The following EPHA6 variants were observed in gnomAD, a reference collection of about 807,000 sequenced individuals.
EPHA6 encodes ephrin type-A receptor 6.
Under a neutral mutation model 112.0 loss-of-function variants are expected in EPHA6, and 50 were observed. The observed-to-expected ratio is 0.45, with a 90% confidence interval of 0.36 to 0.56. The LOEUF is 0.56. Ranked by LOEUF, EPHA6 falls within the 20% of genes least tolerant of loss-of-function variation. The pLI is 0.00. For missense variants in EPHA6, 1,280 were observed against 1,417.4 expected (o/e 0.90, Z 1.56); for synonymous variants, 529 against 490.7 (o/e 1.08, Z -1.03).
chr3:96,908,276 G>A (rs888790119), intron 2 of EPHA6, among the ~76,000 whole-genome samples: 36 of 151,842 alleles, frequency 2.4e-4, no homozygotes, highest in Admixed American at 1.6e-3. Flanking sequence ...TCGTTCCAAG[G>A]TCCATTTAGA....
intron 6 of EPHA6, among the ~76,000 whole-genome samples, chr3:97,443,829 A>T (rs2107293678): frequency 6.6e-6 from 1 of 152,206 alleles, no homozygotes; most frequent in South Asian, 2.1e-4. Context: ...TGTGTTAGTT[A>T]CTTCTAGTGT....
chr3:96,892,711 A>C (rs1274181667), intron 2 of EPHA6, among the ~76,000 whole-genome samples: 6 of 152,064 alleles, frequency 3.9e-5, no homozygotes, highest in Non-Finnish European at 7.4e-5. Flanking sequence ...TCTTCAAGAA[A>C]ATTCATAAAT....
At chr3:96,983,269 A>T (rs2042883145) in intron 2 of EPHA6, among the ~76,000 whole-genome samples, 1 of 152,096 alleles carries the variant, frequency 6.6e-6, no homozygotes. Context: ...AACTAGCAGC[A>T]TTTGTTTGTC....
chr3:97,289,922 G>T (rs539363442), intron 5 of EPHA6, among the ~76,000 whole-genome samples: 1 of 151,964 alleles, frequency 6.6e-6, no homozygotes, highest in South Asian at 2.1e-4. Flanking sequence ...TATTTTTGTT[G>T]CTTCTTTGTA....
intron 7 of EPHA6, among the ~76,000 whole-genome samples, chr3:97,473,036 C>T (rs992978371): frequency 2.0e-5 from 3 of 151,698 alleles, no homozygotes; most frequent in African/African-American, 7.3e-5. Context: ...AATTGACGCT[C>T]ATAGTTTCCT....
intron 3 of EPHA6, among the ~76,000 whole-genome samples, chr3:97,073,204 T>A (rs901285443): frequency 6.6e-6 from 1 of 152,174 alleles, no homozygotes; most frequent in African/African-American, 2.4e-5. Flanking sequence ...ATGAGATTTT[T>A]AAAAATCTAT....
At chr3:97,414,131 G>T (rs934004661) in intron 6 of EPHA6, among the ~76,000 whole-genome samples, 5 of 152,032 alleles carry the variant, frequency 3.3e-5, no homozygotes, top group African/African-American at 9.6e-5. Context: ...ATCTTAATAA[G>T]AAAATCTATA....
At chr3:97,267,706 C>T (rs1166108880) in intron 5 of EPHA6, among the ~76,000 whole-genome samples, 4 of 152,040 alleles carry the variant, frequency 2.6e-5, no homozygotes, top group Non-Finnish European at 5.9e-5. Context: ...AGTCACCTAC[C>T]GTAAAAGCAC....
At chr3:97,588,364 T>C (rs1446342695) in intron 11 of EPHA6, among the ~76,000 whole-genome samples, 1 of 152,226 alleles carries the variant, frequency 6.6e-6, no homozygotes, top group Non-Finnish European at 1.5e-5. Flanking sequence ...CTAAATTTTC[T>C]GTCTTTTATT....
At chr3:97,586,727 T>TAGACAGACAGAC (rs138628909) in intron 11 of EPHA6, among the ~76,000 whole-genome samples, 20,138 of 151,390 alleles carry the variant, frequency 0.13, 1,573 homozygotes, top group Admixed American at 0.25. Context: ...GATGGATGGA[T>TAGACAGACAGAC]AGACAGACAG....
intron 3 of EPHA6, among the ~76,000 whole-genome samples, chr3:97,054,190 ACACAC>A (rs900197942): frequency 9.2e-5 from 14 of 151,892 alleles, no homozygotes; most frequent in African/African-American, 3.1e-4. Flanking sequence ...ACACACACAC[ACACAC>A]AACAGATTAA....
intron 15 of EPHA6, among the ~76,000 whole-genome samples, chr3:97,726,226 A>G (rs2034759994): frequency 6.6e-6 from 1 of 152,076 alleles, no homozygotes; most frequent in South Asian, 2.1e-4. Flanking sequence ...GATAACACCA[A>G]AGTTCAGGCC....
intron 7 of EPHA6, among the ~76,000 whole-genome samples, chr3:97,460,335 G>A (rs975415470): frequency 1.3e-5 from 2 of 152,180 alleles, no homozygotes; most frequent in African/African-American, 4.8e-5. Context: ...GTTGATTTAT[G>A]TTTTGGTTTC....
intron 5 of EPHA6, among the ~76,000 whole-genome samples, chr3:97,344,574 G>A (rs753686198): frequency 2.6e-5 from 4 of 152,140 alleles, no homozygotes; most frequent in Admixed American, 6.6e-5. Flanking sequence ...ATCTGCCAAT[G>A]CCTTGACCTC....
intron 4 of EPHA6, among the ~76,000 whole-genome samples, chr3:97,228,082 G>T (rs1385821244): frequency 6.6e-6 from 1 of 152,146 alleles, no homozygotes; most frequent in Admixed American, 6.5e-5. Flanking sequence ...TCATAGTCGG[G>T]ATCCCAGTTT....
At chr3:97,251,145 C>G (rs1300564559) in intron 5 of EPHA6, among the ~76,000 whole-genome samples, 2 of 152,036 alleles carry the variant, frequency 1.3e-5, no homozygotes, top group African/African-American at 4.8e-5. Flanking sequence ...GGATTACAGG[C>G]ATGAGCCACG....
chr3:97,339,994 G>C (rs1000416089), intron 5 of EPHA6, among the ~76,000 whole-genome samples: 3 of 152,242 alleles, frequency 2.0e-5, no homozygotes, highest in Admixed American at 2.0e-4. Flanking sequence ...CAGCTGGCTT[G>C]CCAGAGGGCT....
At chr3:97,692,184 T>C (rs2032714862) in intron 14 of EPHA6, among the ~76,000 whole-genome samples, 3 of 152,342 alleles carry the variant, frequency 2.0e-5, no homozygotes, top group Middle Eastern at 6.8e-3. Flanking sequence ...GTTTTTTATT[T>C]AGATTGTGTC....
chr3:97,185,649 G>A (rs2077106606), intron 3 of EPHA6, among the ~76,000 whole-genome samples: 1 of 152,112 alleles, frequency 6.6e-6, no homozygotes, highest in African/African-American at 2.4e-5. Context: ...GTGGAAGTCA[G>A]TGTGGCGATT....
Sources: gnomAD v4.1 joint callset for allele counts (sites outside exome capture counted in the v4.1 genomes callset) on GRCh38, gnomAD v4.1.1 for gene constraint, MANE v1.5 for transcripts, NCBI Gene and HGNC (gene_info 2026-07-23, HGNC 2026-07-21) for gene names.